METTL16: variants seen among roughly 807,000 people sequenced by gnomAD.
METTL16 encodes RNA N(6)-adenosine-methyltransferase METTL16.
A neutral mutation model predicts 57.9 loss-of-function variants in METTL16; 19 were observed. The ratio of observed to expected loss-of-function variants is 0.33; its 90% CI spans 0.23 to 0.48. The LOEUF (loss-of-function observed/expected upper bound fraction) is 0.48. Ranked by LOEUF, METTL16 falls within the 20% of genes least tolerant of loss-of-function variation. The pLI is 0.99. For missense variants in METTL16, 434 were observed against 691.5 expected (o/e 0.63, Z 4.18); for synonymous variants, 246 against 255.6 (o/e 0.96, Z 0.36).
intron 8 of METTL16, chr17:2,424,222 T>C (rs1488171343): frequency 6.7e-6 from 1 of 150,030 alleles, no homozygotes; most frequent in African/African-American, 2.4e-5. Context: ...CACGCCATTC[T>C]CCTGCCTCAG....
chr17:2,468,915 TTG>T (rs35816158), intron 4 of METTL16, among the ~76,000 whole-genome samples: 1 of 146,324 alleles, frequency 6.8e-6, no homozygotes, highest in Non-Finnish European at 1.5e-5. Context: ...TTTTTTGTTG[TTG>T]TGTGTGTGTG....
intron 2 of METTL16, among the ~76,000 whole-genome samples, chr17:2,495,901 C>T (rs2067441784): frequency 6.6e-6 from 1 of 151,206 alleles, no homozygotes; most frequent in Admixed American, 6.6e-5. Context: ...TTGAGGTCAG[C>T]AGTTTGAGAT....
At chr17:2,437,202 T>C (rs1038047527) in intron 8 of METTL16, among the ~76,000 whole-genome samples, 1 of 152,128 alleles carries the variant, frequency 6.6e-6, no homozygotes, top group African/African-American at 2.4e-5. Context: ...TCTTTAAACT[T>C]TTTATTCCAG....
intron 1 of METTL16, among the ~76,000 whole-genome samples, chr17:2,506,935 G>A (rs1403612350): frequency 7.3e-5 from 11 of 150,078 alleles, no homozygotes; most frequent in East Asian, 2.0e-4. Flanking sequence ...CTGCCCGGCC[G>A]CCCCGTCTGA....
Position 2,492,914 on chromosome 17 carries a change from A to AC in METTL16, c.128+9289_128+9290insG, listed in dbSNP as rs1555621105. Among the ~76,000 whole-genome samples the AC allele has an allele frequency of 2.8e-3, 397 of 143,642 alleles. 5 individuals are homozygous for AC. The highest frequency in any genetic ancestry group is 8.1e-3 in the African/African-American group (323 of 39,868). 94.2% of individuals were successfully genotyped at this position (143,642 alleles called of 152,430 possible). A position where few individuals can be genotyped will look rare whatever the true frequency, so the allele number is the denominator to read the frequency against. On this transcript the variant is annotated intron_variant, in intron 2 of 9. Transcript: ENST00000263092. ...CTCCGTCTCAAAAAAAAAAAAAAAA[A>AC]AACAACAAAAAAAACACAGCTGGAA...
chr17:2,471,977 G>A (rs1332070328), intron 4 of METTL16, among the ~76,000 whole-genome samples: 1 of 151,936 alleles, frequency 6.6e-6, no homozygotes, highest in Non-Finnish European at 1.5e-5. Context: ...AGCTGGGCGT[G>A]GTGGCAGGCG....
chr17:2,463,438 C>A (rs1292705042), intron 6 of METTL16, among the ~76,000 whole-genome samples: 1 of 152,126 alleles, frequency 6.6e-6, no homozygotes, highest in Non-Finnish European at 1.5e-5. Flanking sequence ...GTAGGAGCCA[C>A]TACCTTTGCA....
intron 2 of METTL16, among the ~76,000 whole-genome samples, chr17:2,489,547 TAG>T (rs1173706253): frequency 3.3e-5 from 5 of 151,544 alleles, no homozygotes; most frequent in African/African-American, 9.7e-5. Flanking sequence ...CGCCATTTAA[TAG>T]AGACGGTGAA....
At chr17:2,446,288 T>A (rs1218917712) in intron 6 of METTL16, among the ~76,000 whole-genome samples, 6 of 152,142 alleles carry the variant, frequency 3.9e-5, no homozygotes, top group Non-Finnish European at 7.3e-5. Flanking sequence ...GTGCTGGAGA[T>A]CCTAGTCAGT....
chr17:2,431,602 G>C (rs894939076), intron 8 of METTL16, among the ~76,000 whole-genome samples: 1 of 151,952 alleles, frequency 6.6e-6, no homozygotes, highest in Non-Finnish European at 1.5e-5. Flanking sequence ...TGAGAGGATC[G>C]GCAATTGCTC....
At chr17:2,452,912 G>A (rs1476779667) in intron 6 of METTL16, among the ~76,000 whole-genome samples, 1 of 151,974 alleles carries the variant, frequency 6.6e-6, no homozygotes, top group Non-Finnish European at 1.5e-5. Flanking sequence ...CCAGGCTGGA[G>A]TGCAGTGGTG....
chr17:2,474,386 GAAAAA>G (rs752477163), intron 3 of METTL16, among the ~76,000 whole-genome samples: 1 of 60,234 alleles, frequency 1.7e-5, no homozygotes, highest in Non-Finnish European at 4.0e-5. Flanking sequence ...GAAACAAAAA[GAAAAA>G]AAAAAAAAAA....
At chr17:2,455,593 C>T (rs2067104255) in intron 6 of METTL16, among the ~76,000 whole-genome samples, 1 of 152,144 alleles carries the variant, frequency 6.6e-6, no homozygotes, top group African/African-American at 2.4e-5. Flanking sequence ...AGACACCAAT[C>T]AACAAGGCTG....
Position 2,419,526 on chromosome 17 carries a change from G to C in METTL16, c.*444C>G, listed in dbSNP as rs2066744081. ...AGGCCCCATCTTGAAGAGTGACCTA[G>C]AACAGGGTACCAGGGCCTCCAGCTG... is the stretch of plus-strand genomic sequence containing the variant. On this transcript the variant is annotated 3_prime_UTR_variant, in exon 10 of 10. Coordinates refer to ENST00000263092, the MANE Select transcript of METTL16 (RefSeq NM_024086.4). 2.3e-6 allele frequency: 1 copy of C among 440,908 alleles called. No individual in the cohort carries two copies. Among genetic ancestry groups the C allele is most frequent in the Non-Finnish European group, 4.5e-6 (1 of 220,964 alleles). The allele number at this position is 440,908 out of a possible 1,614,324, so 27.3% of individuals were successfully genotyped here.
At chr17:2,436,404 G>A (rs2066909212) in intron 8 of METTL16, among the ~76,000 whole-genome samples, 1 of 152,168 alleles carries the variant, frequency 6.6e-6, no homozygotes, top group African/African-American at 2.4e-5. Flanking sequence ...TAGCTGCAGA[G>A]TAGGACAGGC....
intron 2 of METTL16, among the ~76,000 whole-genome samples, chr17:2,489,100 A>C (rs751545743): frequency 7.2e-6 from 1 of 139,046 alleles, no homozygotes; most frequent in African/African-American, 2.7e-5. Flanking sequence ...AATCAAGCTA[A>C]ACTTTTCATT....
At chr17:2,507,720 T>C (rs1384672758) in intron 1 of METTL16, among the ~76,000 whole-genome samples, 2 of 152,308 alleles carry the variant, frequency 1.3e-5, no homozygotes, top group African/African-American at 4.8e-5. Context: ...AGAAATCGGA[T>C]GGTTGCCGTG....
intron 8 of METTL16, among the ~76,000 whole-genome samples, chr17:2,427,970 A>T (rs2151543124): frequency 7.7e-6 from 1 of 129,116 alleles, no homozygotes; most frequent in Non-Finnish European, 1.6e-5. Flanking sequence ...AAAAAAAATT[A>T]GCTGGATGTG....
At chr17:2,491,672 G>C (rs184990816) in intron 2 of METTL16, among the ~76,000 whole-genome samples, 6 of 151,850 alleles carry the variant, frequency 4.0e-5, no homozygotes, top group Admixed American at 1.3e-4. Context: ...TCAGGAGATG[G>C]AGACCATCCT....
Sources: gnomAD v4.1 joint callset for allele counts (sites outside exome capture counted in the v4.1 genomes callset) on GRCh38, gnomAD v4.1.1 for gene constraint, MANE v1.5 for transcripts, NCBI Gene and HGNC (gene_info 2026-07-23, HGNC 2026-07-21) for gene names.